FHIT: variants seen among roughly 807,000 people sequenced by gnomAD.
The protein encoded by FHIT is bis(5'-adenosyl)-triphosphatase.
A neutral mutation model predicts 17.9 loss-of-function variants in FHIT; 19 were observed. The observed-to-expected ratio is 1.06, with a 90% CI of 0.74 to 1.56. The LOEUF is 1.56. Among genes scored for constraint, FHIT ranks in the 40% most tolerant of loss-of-function variants. The pLI, the probability that FHIT is intolerant of heterozygous loss-of-function variation, is 0.00. For synonymous variants in FHIT, 81 were observed against 69.7 expected (o/e 1.16, Z -0.81); for missense variants, 248 against 189.2 (o/e 1.31, Z -1.82).
chr3:60,379,420 A>C (rs1257890089), intron 5 of FHIT, among the ~76,000 whole-genome samples: 1 of 152,178 alleles, frequency 6.6e-6, no homozygotes, highest in Non-Finnish European at 1.5e-5. Flanking sequence ...TAATGTAGAT[A>C]ATCTGAAACA....
chr3:60,215,718 T>C (rs529951116), intron 5 of FHIT, among the ~76,000 whole-genome samples: 2 of 152,308 alleles, frequency 1.3e-5, no homozygotes, highest in South Asian at 2.1e-4. Flanking sequence ...GCAATCACCT[T>C]GGTTGACAAC....
chr3:60,993,312 GCGCAT>G (rs914508727), intron 3 of FHIT, among the ~76,000 whole-genome samples: 2 of 152,206 alleles, frequency 1.3e-5, no homozygotes, highest in African/African-American at 4.8e-5. Context: ...ACAGTTACTA[GCGCAT>G]CGAACAAGCT....
intron 4 of FHIT, among the ~76,000 whole-genome samples, chr3:60,637,415 C>T (rs1473993773): frequency 6.6e-6 from 1 of 152,082 alleles, no homozygotes; most frequent in African/African-American, 2.4e-5. Context: ...AATATGGTAC[C>T]TCACATATAG....
chr3:61,197,784 C>T (rs1283503147), intron 2 of FHIT, among the ~76,000 whole-genome samples: 4 of 152,082 alleles, frequency 2.6e-5, no homozygotes, highest in Admixed American at 6.5e-5. Context: ...AGTCCCTTAA[C>T]AATCCCCATG....
intron 5 of FHIT, among the ~76,000 whole-genome samples, chr3:60,462,622 C>T (rs1442877110): frequency 1.3e-5 from 2 of 152,122 alleles, no homozygotes; most frequent in East Asian, 3.9e-4. Flanking sequence ...AGCAAGAGAT[C>T]CGCCAGGATA....
intron 5 of FHIT, among the ~76,000 whole-genome samples, chr3:60,117,494 TAAAAAAAAAAAAA>T (rs34113926): frequency 2.3e-5 from 2 of 86,766 alleles, no homozygotes; most frequent in African/African-American, 4.5e-5. Flanking sequence ...ACTTCCTATC[TAAAAAAAAAAAAA>T]AAAAAAAAAA....
chr3:60,201,840 C>G (rs955949875), intron 5 of FHIT, among the ~76,000 whole-genome samples: 2 of 57,364 alleles, frequency 3.5e-5, no homozygotes, highest in South Asian at 1.5e-3. Flanking sequence ...CTTTTGGAGT[C>G]TCAGGGAGAA....
At chr3:60,524,627 T>G (rs2035505056) in intron 5 of FHIT, among the ~76,000 whole-genome samples, 1 of 152,194 alleles carries the variant, frequency 6.6e-6, no homozygotes, top group African/African-American at 2.4e-5. Flanking sequence ...GAGGCCAGCG[T>G]GGCATCCAGG....
intron 7 of FHIT, among the ~76,000 whole-genome samples, chr3:59,949,742 G>C (rs565222001): frequency 6.6e-6 from 1 of 152,304 alleles, no homozygotes; most frequent in South Asian, 2.1e-4. Context: ...CAGAACTTGT[G>C]ATCTGTGGGC....
intron 8 of FHIT, among the ~76,000 whole-genome samples, chr3:59,774,511 G>C (rs1274940808): frequency 1.3e-5 from 2 of 152,184 alleles, no homozygotes; most frequent in Non-Finnish European, 1.5e-5. Context: ...ACCTAACAGA[G>C]TTGTTATGAA....
intron 5 of FHIT, among the ~76,000 whole-genome samples, chr3:60,526,987 G>T (rs79765039): frequency 6.6e-6 from 1 of 152,134 alleles, no homozygotes; most frequent in Non-Finnish European, 1.5e-5. Context: ...GTTTGGGGGC[G>T]TGGAGGTATG....
chr3:60,326,683 AT>A (rs1420085018), intron 5 of FHIT, among the ~76,000 whole-genome samples: 1 of 152,124 alleles, frequency 6.6e-6, no homozygotes, highest in Non-Finnish European at 1.5e-5. Context: ...TGTGTACGAT[AT>A]TTAAAAAATG....
At chr3:60,811,621 C>T (rs1369145433) in intron 4 of FHIT, among the ~76,000 whole-genome samples, 1 of 152,034 alleles carries the variant, frequency 6.6e-6, no homozygotes, top group Non-Finnish European at 1.5e-5. Context: ...TAGTAAGATC[C>T]ATAACAAGAA....
chr3:61,096,649 C>A (rs938373136), intron 2 of FHIT, among the ~76,000 whole-genome samples: 3 of 152,096 alleles, frequency 2.0e-5, no homozygotes, highest in African/African-American at 7.2e-5. Context: ...GGGTGTTGAG[C>A]CAGAAGGCTT....
intron 3 of FHIT, among the ~76,000 whole-genome samples, chr3:60,876,598 T>C (rs1198020227): frequency 6.6e-6 from 1 of 152,220 alleles, no homozygotes; most frequent in Non-Finnish European, 1.5e-5. Context: ...TGAATACATT[T>C]AACAAGTAAA....
chr3:60,043,943 G>T (rs973693335), intron 5 of FHIT, among the ~76,000 whole-genome samples: 1 of 152,158 alleles, frequency 6.6e-6, no homozygotes, highest in Admixed American at 6.5e-5. Flanking sequence ...TAATCCAAAC[G>T]ACAGGCCAAC....
intron 3 of FHIT, among the ~76,000 whole-genome samples, chr3:60,857,955 T>C (rs1703455607): frequency 3.3e-5 from 5 of 152,174 alleles, no homozygotes; most frequent in Admixed American, 2.0e-4. Context: ...ACTGGATCAC[T>C]AGCCTATAAG....
At chr3:61,014,678 G>C (rs1014925794) in intron 3 of FHIT, among the ~76,000 whole-genome samples, 4 of 149,494 alleles carry the variant, frequency 2.7e-5, no homozygotes, top group African/African-American at 4.9e-5. Context: ...TACTTGGGAG[G>C]CTGAGGCATG....
At chr3:60,855,730 T>C (rs1279230537) in intron 3 of FHIT, among the ~76,000 whole-genome samples, 2 of 152,268 alleles carry the variant, frequency 1.3e-5, no homozygotes, top group South Asian at 2.1e-4. Flanking sequence ...ACTACATTCA[T>C]TGTCGTATCC....
Sources: gnomAD v4.1 joint callset for allele counts (sites outside exome capture counted in the v4.1 genomes callset) on GRCh38, gnomAD v4.1.1 for gene constraint, MANE v1.5 for transcripts, NCBI Gene and HGNC (gene_info 2026-07-23, HGNC 2026-07-21) for gene names.